Variants in PTPRG observed in about 807,000 individuals in gnomAD.
The protein encoded by PTPRG is protein tyrosine phosphatase receptor type G.
A neutral mutation model predicts 165.3 loss-of-function variants in PTPRG; 102 were observed. That is an observed-to-expected ratio of 0.62 (90% CI 0.53 to 0.73). The LOEUF (loss-of-function observed/expected upper bound fraction) is 0.73. PTPRG is among the 30% of genes least tolerant of loss of function. The pLI is 0.00. For synonymous variants in PTPRG, 675 were observed against 669.5 expected, an observed-to-expected ratio of 1.01 and a Z score of -0.13; for missense variants, 1,866 against 1,861.4, an observed-to-expected ratio of 1.00 and a Z score of -0.05.
chr3:62,154,271 C>G (rs1468155778), intron 6 of PTPRG, among the ~76,000 whole-genome samples: 1 of 152,176 alleles, frequency 6.6e-6, no homozygotes, highest in African/African-American at 2.4e-5. Context: ...TCCTAAGATT[C>G]AATGGCAGTG....
At position 62,166,418 on chromosome 3, in the gene PTPRG, C is replaced by T. The variant is rs1342723917; in HGVS notation, c.841-1553C>T. On this transcript the variant is annotated intron_variant, in intron 7 of 29. Coordinates refer to ENST00000474889, the MANE Select transcript of PTPRG (RefSeq NM_002841.4). ...GTGGCACAATCTCGGTGCACTGCAG[C>T]CTCCGCCTCCCAGGTTCAAGCAATT... is the stretch of plus-strand genomic sequence containing the variant. 2.0e-5 allele frequency among the ~76,000 whole-genome samples: 3 copies of T among 151,194 alleles called. 1 individual carries two copies. The highest frequency in any genetic ancestry group is 4.9e-5 in the African/African-American group (2 of 41,138).
At chr3:61,575,921 C>T (rs1400734396) in intron 1 of PTPRG, among the ~76,000 whole-genome samples, 1 of 152,110 alleles carries the variant, frequency 6.6e-6, no homozygotes, top group Non-Finnish European at 1.5e-5. Context: ...CCGGCTGGCA[C>T]ACAAAATTTT....
chr3:61,928,486 T>C (rs998665395), intron 2 of PTPRG, among the ~76,000 whole-genome samples: 5 of 152,172 alleles, frequency 3.3e-5, no homozygotes, highest in Admixed American at 2.0e-4. Context: ...GAAAAAGTCA[T>C]AGCAATTGTC....
intron 19 of PTPRG, 59 bp downstream of exon 19, chr3:62,267,878 G>A: frequency 6.4e-7 from 1 of 1,574,010 alleles, no homozygotes; most frequent in Non-Finnish European, 8.6e-7. Flanking sequence ...GATACTTGTG[G>A]AGTACCTGCT....
intron 2 of PTPRG, among the ~76,000 whole-genome samples, chr3:61,777,097 G>A (rs12634866): frequency 0.15 from 23,418 of 152,108 alleles, 2,306 homozygotes; most frequent in East Asian, 0.46. Flanking sequence ...TGAATTGTGT[G>A]TCTCTGGAAT....
intron 1 of PTPRG, among the ~76,000 whole-genome samples, chr3:61,717,648 G>A (rs1161701189): frequency 6.6e-6 from 1 of 152,100 alleles, no homozygotes; most frequent in African/African-American, 2.4e-5. Context: ...AATTAGCTGG[G>A]CGTGGTGGTT....
intron 1 of PTPRG, among the ~76,000 whole-genome samples, chr3:61,567,957 C>T (rs1417839365): frequency 7.7e-6 from 1 of 129,720 alleles, no homozygotes; most frequent in Non-Finnish European, 1.6e-5. Context: ...CATAGTGAGA[C>T]CCTGCCTCAA....
chr3:61,742,403 ATTT>A (rs34010935), intron 1 of PTPRG: 1,403 of 730,174 alleles, frequency 1.9e-3, no homozygotes, highest in East Asian at 3.6e-3. Flanking sequence ...TGGGTCTGGA[ATTT>A]TTTTTTTTTT....
chr3:61,995,082 TTC>T (rs1420411420), intron 3 of PTPRG, among the ~76,000 whole-genome samples: 6 of 40,894 alleles, frequency 1.5e-4, no homozygotes, highest in African/African-American at 6.4e-4. Flanking sequence ...TTTTCTTTCT[TTC>T]TTTTTTTTTT....
At chr3:61,856,097 G>C (rs938141828) in intron 2 of PTPRG, among the ~76,000 whole-genome samples, 2 of 152,088 alleles carry the variant, frequency 1.3e-5, no homozygotes, top group Non-Finnish European at 2.9e-5. Flanking sequence ...GATGCCCTCA[G>C]TCTCTTGTAC....
At position 62,182,304 on chromosome 3, in the gene PTPRG, A is replaced by G. The variant is rs150168563; in HGVS notation, c.1034-9165A>G. The stretch of plus-strand genomic sequence containing the variant: ...TGGTAATCACTGTAATCTAACAGGA[A>G]TAGCTTTGTGATATCTTTTGGTGAT... On this transcript the variant is annotated intron_variant, in intron 8 of 29. Coordinates refer to ENST00000474889, the MANE Select transcript of PTPRG (RefSeq NM_002841.4). Among the ~76,000 whole-genome samples, 62 of 152,344 alleles carry G rather than the reference A, an allele frequency of 4.1e-4. No individual in the cohort carries two copies. In the East Asian group the frequency reaches 0.011, roughly 27 times the overall value.
intron 12 of PTPRG, 107 bp from the exon 13 acceptor site, chr3:62,218,744 G>T: frequency 7.1e-7 from 1 of 1,409,340 alleles, no homozygotes; most frequent in Non-Finnish European, 9.7e-7. Flanking sequence ...AGAGCAAATG[G>T]CCCAGTTCGC....
intron 2 of PTPRG, among the ~76,000 whole-genome samples, chr3:61,797,234 C>G (rs191709615): frequency 3.3e-5 from 5 of 152,292 alleles, no homozygotes; most frequent in South Asian, 4.1e-4. Context: ...CTCACTGATG[C>G]AGAAATTTCT....
intron 5 of PTPRG, among the ~76,000 whole-genome samples, chr3:62,083,172 C>T (rs2526425): frequency 0.29 from 43,952 of 151,842 alleles, 8,196 homozygotes; most frequent in African/African-American, 0.54. Flanking sequence ...TCTCTACTGT[C>T]AACCTAATTT....
chr3:61,720,862 T>G (rs2032015960), intron 1 of PTPRG, among the ~76,000 whole-genome samples: 1 of 152,260 alleles, frequency 6.6e-6, no homozygotes, highest in Non-Finnish European at 1.5e-5. Flanking sequence ...GGCAAAACAC[T>G]GGCCATTATA....
intron 1 of PTPRG, among the ~76,000 whole-genome samples, chr3:61,647,862 C>T (rs1702247808): frequency 6.7e-6 from 1 of 148,446 alleles, no homozygotes; most frequent in Non-Finnish European, 1.5e-5. Flanking sequence ...TTTTCTGAAA[C>T]CACTGAATGT....
intron 1 of PTPRG, among the ~76,000 whole-genome samples, chr3:61,650,816 G>A (rs1402171209): frequency 6.6e-6 from 1 of 152,152 alleles, no homozygotes; most frequent in South Asian, 2.1e-4. Flanking sequence ...TTGGTGAAAT[G>A]TGTCATTTGA....
chr3:62,220,658 A>G (rs1360883845), intron 13 of PTPRG, among the ~76,000 whole-genome samples: 1 of 152,210 alleles, frequency 6.6e-6, no homozygotes. Context: ...GCATAGGAAC[A>G]CTAGACTCAC....
At chr3:61,669,994 C>T (rs1414320154) in intron 1 of PTPRG, among the ~76,000 whole-genome samples, 2 of 152,194 alleles carry the variant, frequency 1.3e-5, no homozygotes, top group African/African-American at 4.8e-5. Context: ...TCTGTCCCCA[C>T]CCTGGCTCAC....
Sources: gnomAD v4.1 joint callset for allele counts (sites outside exome capture counted in the v4.1 genomes callset) on GRCh38, gnomAD v4.1.1 for gene constraint, MANE v1.5 for transcripts, NCBI Gene and HGNC (gene_info 2026-07-23, HGNC 2026-07-21) for gene names.